The following RBM44 variants were observed in gnomAD, a reference collection of about 807,000 sequenced individuals.
RBM44 encodes the protein RNA-binding protein 44.
In RBM44, 66 loss-of-function variants were observed where a neutral mutation model predicts 105.1. The observed-to-expected ratio is 0.63, with a 90% CI of 0.52 to 0.77. The LOEUF (loss-of-function observed/expected upper bound fraction) is 0.77, where lower values mean the gene tolerates loss of function less well. Among genes scored for constraint, RBM44 ranks in the 30% least tolerant of loss-of-function variants. RBM44 has a pLI of 0.00. For missense variants in RBM44, 1,122 were observed against 1,207.8 expected, an observed-to-expected ratio of 0.93 and a Z score of 1.05; for synonymous variants, 365 against 417.6, an observed-to-expected ratio of 0.87 and a Z score of 1.54.
Position 237,817,331 on chromosome 2 carries a change from C to A in RBM44, c.412C>A (p.Gln138Lys). Residue 138 changes from glutamine (Q) to lysine (K), a missense_variant, in exon 3 of 16, where the codon CAG becomes AAG. Around this residue, in one of 3 missense-constraint regions of RBM44, gnomAD observed 918 missense variants for 955.3 expected, o/e 0.96. Coordinates refer to ENST00000316997, the MANE Select transcript of RBM44 (RefSeq NM_001080504.3). ...AAGTTCAGAATTAGATCCTGAAGTG[C>A]AGAAAAAAGAGGAGGTTTTTTTTAA... is the stretch of plus-strand genomic sequence containing the variant. The part of the protein sequence containing the change: ...PLSSELDPEV[Q>K]KKEEVFFNIL... 7.5e-6 allele frequency: 12 copies of A among 1,601,674 alleles called. No individual in the cohort carries two copies. Among genetic ancestry groups the A allele is most frequent in the Non-Finnish European group, 9.4e-6 (11 of 1,174,984 alleles).
intron 4 of RBM44, among the ~76,000 whole-genome samples, chr2:237,819,462 T>G (rs1405009003): frequency 6.6e-6 from 1 of 152,050 alleles, no homozygotes; most frequent in Non-Finnish European, 1.5e-5. Context: ...AAATTAGTTA[T>G]CATACTCTGA....
chr2:237,810,297 T>C (rs560990032), intron 1 of RBM44, among the ~76,000 whole-genome samples: 3 of 152,368 alleles, frequency 2.0e-5, no homozygotes, highest in Middle Eastern at 3.4e-3. Context: ...GAATGTCAAA[T>C]AGATATCTCA....
intron 13 of RBM44, among the ~76,000 whole-genome samples, chr2:237,831,749 G>A (rs2061905242): frequency 6.6e-6 from 1 of 152,070 alleles, no homozygotes; most frequent in Admixed American, 6.5e-5. Context: ...TCCCTCATCT[G>A]CCTTCCTCTT....
rs956260079 is a variant in RBM44, at chr2:237,821,071, G to C, written c.1914G>C (p.Met638Ile). The change falls in exon 6 of 16, where the codon ATG becomes ATC. Residue 638 changes from methionine to isoleucine, a missense_variant and splice_region_variant. This residue lies in a region of RBM44 where 918 missense variants were observed against 955.3 expected (regional missense o/e 0.96). Transcript: ENST00000316997. ...LVMENREGLN[M>I]NLSSNSAKKE... ...TTTTGTGCACTCAACTTTTGAACAGGAATTTATCAAGTAATTCTGCTAAGA... is the reference window on the plus strand; with the variant it reads ...TTTTGTGCACTCAACTTTTGAACAGCAATTTATCAAGTAATTCTGCTAAGA... 1.3e-6 allele frequency: 2 copies of C among 1,578,972 alleles called. No individual in the cohort carries two copies. Among genetic ancestry groups the C allele is most frequent in the Non-Finnish European group, 1.7e-6 (2 of 1,169,780 alleles).
Position 237,829,237 on chromosome 2 carries a change from CA to C in RBM44, c.2627del (p.Asn876ThrfsTer6), listed in dbSNP as rs780390489. 2.5e-6 allele frequency: 4 copies of C among 1,609,324 alleles called. No homozygotes were observed. Among genetic ancestry groups the C allele is most frequent in the Non-Finnish European group, 3.4e-6 (4 of 1,177,766 alleles). On this transcript the variant is annotated frameshift_variant, in exon 13 of 16. Coordinates refer to ENST00000316997, the MANE Select transcript of RBM44 (RefSeq NM_001080504.3). LOFTEE classifies it high-confidence loss of function. ...TNYRYASLAF[T>X]KNSDAKIAVK... ...TTTAGATATGCATCTCTTGCTTTTA[CA>C]AAAAACAGCGATGCAAAGATAGCTG...
At chr2:237,807,323 T>C (rs1003867495) in intron 1 of RBM44, among the ~76,000 whole-genome samples, 1 of 152,198 alleles carries the variant, frequency 6.6e-6, no homozygotes, top group Non-Finnish European at 1.5e-5. Context: ...TAATTTTTTA[T>C]ATTTTTAGTA....
rs73086767 is a variant in RBM44 at position 237,813,146 on chromosome 2, C to A, written c.-18-446C>A. Among the ~76,000 whole-genome samples, 191 of 152,284 alleles carry A rather than the reference C, an allele frequency of 1.3e-3. 1 individual carries two copies. The highest frequency in any genetic ancestry group is 4.5e-3 in the African/African-American group (186 of 41,560). ...CCCATCTCCCACAACCTATCCCAGGCAGCTACTAATATACTTTCTCTATAT... is the reference window on the plus strand; with the variant it reads ...CCCATCTCCCACAACCTATCCCAGGAAGCTACTAATATACTTTCTCTATAT... On this transcript the variant is annotated intron_variant, in intron 1 of 15. Coordinates refer to ENST00000316997, the MANE Select transcript of RBM44 (RefSeq NM_001080504.3).
At chr2:237,838,513 AATG>A (rs1323040114) in intron 15 of RBM44, among the ~76,000 whole-genome samples, 2 of 152,166 alleles carry the variant, frequency 1.3e-5, no homozygotes, top group African/African-American at 4.8e-5. Context: ...AAACAAAAAT[AATG>A]ATGTTTTATA....
At chr2:237,810,133 A>G (rs1225226398) in intron 1 of RBM44, among the ~76,000 whole-genome samples, 1 of 152,218 alleles carries the variant, frequency 6.6e-6, no homozygotes, top group Non-Finnish European at 1.5e-5. Context: ...TGTGTTTTTC[A>G]TACTAAGTCT....
chr2:237,809,680 T>G (rs2150970905), intron 1 of RBM44, among the ~76,000 whole-genome samples: 1 of 152,368 alleles, frequency 6.6e-6, no homozygotes, highest in South Asian at 2.1e-4. Flanking sequence ...GTTCATAGAT[T>G]TAAATCTGTA....
intron 1 of RBM44, among the ~76,000 whole-genome samples, chr2:237,808,727 C>A (rs984308188): frequency 6.6e-6 from 1 of 152,104 alleles, no homozygotes; most frequent in African/African-American, 2.4e-5. Context: ...ATAAAGGAAA[C>A]TACTTCTAGA....
chr2:237,812,372 A>C (rs1053681545), intron 1 of RBM44, among the ~76,000 whole-genome samples: 1 of 152,092 alleles, frequency 6.6e-6, no homozygotes, highest in Admixed American at 6.5e-5. Flanking sequence ...TAAAGCTGTG[A>C]CTTCTTTTGG....
intron 1 of RBM44, among the ~76,000 whole-genome samples, chr2:237,802,579 C>T (rs1363710692): frequency 1.3e-5 from 2 of 152,132 alleles, no homozygotes; most frequent in Non-Finnish European, 2.9e-5. Context: ...TTAATGAGCG[C>T]CCTAAGTGAT....
intron 2 of RBM44, among the ~76,000 whole-genome samples, chr2:237,814,153 T>C (rs2061687529): frequency 6.6e-6 from 1 of 152,150 alleles, no homozygotes; most frequent in Non-Finnish European, 1.5e-5. Context: ...TATTAAGATA[T>C]ATATATTCTA....
At chr2:237,834,825 T>A (rs2061941129) in intron 15 of RBM44, 1 of 154,688 alleles carries the variant, frequency 6.5e-6, no homozygotes, top group African/African-American at 2.4e-5. Flanking sequence ...CCTCACCACA[T>A]AGGCTCTTCC....
intron 13 of RBM44, among the ~76,000 whole-genome samples, chr2:237,830,022 T>G (rs2150987179): frequency 6.6e-6 from 1 of 152,250 alleles, no homozygotes; most frequent in East Asian, 1.9e-4. Flanking sequence ...ACAGTAAAAT[T>G]CAATACTTTT....
chr2:237,811,124 C>T (rs2061654191), intron 1 of RBM44, among the ~76,000 whole-genome samples: 4 of 152,078 alleles, frequency 2.6e-5, no homozygotes, highest in Admixed American at 2.0e-4. Context: ...GCAGGCAGAC[C>T]TGATCAAATT....
chr2:237,819,614 G>T (rs2150979646), intron 4 of RBM44, among the ~76,000 whole-genome samples: 2 of 152,110 alleles, frequency 1.3e-5, no homozygotes, highest in South Asian at 4.1e-4. Context: ...AACAAGGGAA[G>T]ACCTCCAAAA....
At chr2:237,832,603 TGTTGGTA>T in intron 13 of RBM44, among the ~76,000 whole-genome samples, 2 of 152,358 alleles carry the variant, frequency 1.3e-5, no homozygotes, top group African/African-American at 4.8e-5. Flanking sequence ...CCGTACAGGC[TGTTGGTA>T]GGAGTATGTG....
Sources: gnomAD v4.1 joint callset for allele counts (sites outside exome capture counted in the v4.1 genomes callset) on GRCh38, gnomAD v4.1.1 for gene constraint, gnomAD v4.1.1 regional missense constraint, MANE v1.5 for transcripts, NCBI Gene and HGNC (gene_info 2026-07-23, HGNC 2026-07-21) for gene names.